Variants in VKORC1L1 observed in about 807,000 individuals in gnomAD.
VKORC1L1 encodes the protein vitamin K epoxide reductase complex subunit 1L1, also known as vitamin K epoxide reductase complex subunit 1-like protein 1.
In VKORC1L1, 2 loss-of-function variants were observed where a neutral mutation model predicts 18.9. The ratio of observed to expected loss-of-function variants is 0.11; its 90% CI spans 0.04 to 0.33. The LOEUF is 0.33. Among genes scored for constraint, VKORC1L1 ranks in the 10% least tolerant of loss-of-function variants. The probability of loss-of-function intolerance (pLI) is 1.00; values close to 1 mark genes in which losing one functional copy is unlikely to be tolerated. For synonymous variants in VKORC1L1, 96 were observed against 100.0 expected, an observed-to-expected ratio of 0.96 and a Z score of 0.24; for missense variants, 123 against 224.1, an observed-to-expected ratio of 0.55 and a Z score of 2.88.
rs1790363823 is a variant in VKORC1L1 at position 65,959,538 on chromosome 7, A to G, written c.*5238A>G. ...CATTTTTAAAAAATGGACGATGCCT[A>G]ATAAAACCACATGAAATTAACTTTA... On this transcript the variant is annotated 3_prime_UTR_variant, in exon 3 of 3. Transcript: ENST00000360768. 1 of 152,246 alleles carries G rather than the reference A, an allele frequency of 6.6e-6. No individual in the cohort carries two copies. Among genetic ancestry groups the G allele is most frequent in the South Asian group, 2.1e-4 (1 of 4,828 alleles). 9.4% of individuals were successfully genotyped at this position (152,246 alleles called of 1,614,324 possible). A position where few individuals can be genotyped will look rare whatever the true frequency, so the allele number is the denominator to read the frequency against.
chr7:65,919,991 T>C (rs1160196821), intron 1 of VKORC1L1, among the ~76,000 whole-genome samples: 1 of 152,188 alleles, frequency 6.6e-6, no homozygotes, highest in Non-Finnish European at 1.5e-5. Context: ...GACCCCATGA[T>C]CTACTGCTAC....
intron 1 of VKORC1L1, among the ~76,000 whole-genome samples, chr7:65,894,735 A>G (rs955642187): frequency 1.3e-5 from 2 of 152,144 alleles, no homozygotes; most frequent in African/African-American, 4.8e-5. Context: ...CTCAAAAAGG[A>G]AAAAGAAAGA....
intron 2 of VKORC1L1, 82 bp downstream of exon 2, chr7:65,948,862 A>C: frequency 2.0e-6 from 3 of 1,499,804 alleles, no homozygotes; most frequent in Non-Finnish European, 2.7e-6. Flanking sequence ...TCTTGATGTT[A>C]AAGCATGTGT....
At chr7:65,880,277 G>T (rs1415242388) in intron 1 of VKORC1L1, among the ~76,000 whole-genome samples, 1 of 152,126 alleles carries the variant, frequency 6.6e-6, no homozygotes, top group African/African-American at 2.4e-5. Flanking sequence ...AAAATATATA[G>T]AGTTTGTGGT....
intron 2 of VKORC1L1, among the ~76,000 whole-genome samples, chr7:65,950,263 AT>A (rs1439249467): frequency 1.2e-4 from 18 of 152,230 alleles, no homozygotes; most frequent in Admixed American, 3.3e-4. Flanking sequence ...CATTTTATGC[AT>A]TCTTTATCCT....
intron 1 of VKORC1L1, among the ~76,000 whole-genome samples, chr7:65,879,707 CTT>C (rs2116328598): frequency 6.6e-6 from 1 of 151,566 alleles, no homozygotes; most frequent in South Asian, 2.1e-4. Flanking sequence ...TCTTTTCTCT[CTT>C]TCTTTTCCTT....
intron 1 of VKORC1L1, among the ~76,000 whole-genome samples, chr7:65,890,549 G>A (rs1268541795): frequency 2.0e-5 from 3 of 152,148 alleles, no homozygotes; most frequent in African/African-American, 7.2e-5. Flanking sequence ...GATTACAGAC[G>A]TGAGCCACCA....
chr7:65,872,908 C>T (rs1417950853), upstream of VKORC1L1, among the ~76,000 whole-genome samples: 1 of 151,938 alleles, frequency 6.6e-6, no homozygotes, highest in African/African-American at 2.4e-5. Context: ...CTAGTTAGAC[C>T]GCTCCTTTAA....
chr7:65,879,272 C>T (rs1390569430), intron 1 of VKORC1L1, among the ~76,000 whole-genome samples: 2 of 151,906 alleles, frequency 1.3e-5, no homozygotes, highest in Admixed American at 6.6e-5. Flanking sequence ...TTTTGACTAA[C>T]CAAGATAAAT....
At chr7:65,884,765 T>C (rs191055116) in intron 1 of VKORC1L1, among the ~76,000 whole-genome samples, 1 of 152,346 alleles carries the variant, frequency 6.6e-6, no homozygotes, top group East Asian at 1.9e-4. Flanking sequence ...GCCAATATGA[T>C]ATATGAAAAT....
intron 1 of VKORC1L1, among the ~76,000 whole-genome samples, chr7:65,882,429 AAG>A (rs1276132135): frequency 3.3e-5 from 5 of 151,440 alleles, no homozygotes; most frequent in Admixed American, 3.3e-4. Flanking sequence ...AAAAAAAAAA[AAG>A]TGCATTTAGA....
chr7:65,869,767 T>C (rs1788703739), upstream of VKORC1L1, among the ~76,000 whole-genome samples: 1 of 151,296 alleles, frequency 6.6e-6, no homozygotes, highest in African/African-American at 2.4e-5. Flanking sequence ...CCTTCTGCCT[T>C]GGCCTCCTGA....
intron 1 of VKORC1L1, among the ~76,000 whole-genome samples, chr7:65,875,065 A>G (rs996892669): frequency 3.3e-5 from 5 of 152,186 alleles, no homozygotes; most frequent in Non-Finnish European, 7.3e-5. Context: ...CTGTGGACAT[A>G]AAATAGTTTA....
chr7:65,868,625 G>A (rs1227862868), upstream of VKORC1L1, among the ~76,000 whole-genome samples: 4 of 152,198 alleles, frequency 2.6e-5, no homozygotes, highest in Non-Finnish European at 2.9e-5. Flanking sequence ...TGTACACCAC[G>A]GAACATGACC....
At chr7:65,899,183 A>ACATGT (rs1789267163) in intron 1 of VKORC1L1, among the ~76,000 whole-genome samples, 1 of 152,224 alleles carries the variant, frequency 6.6e-6, no homozygotes, top group South Asian at 2.1e-4. Flanking sequence ...CTGGTTTATG[A>ACATGT]CATGTTTCTC....
intron 1 of VKORC1L1, among the ~76,000 whole-genome samples, chr7:65,936,958 A>C (rs1057025813): frequency 5.9e-5 from 9 of 152,206 alleles, no homozygotes; most frequent in African/African-American, 2.2e-4. Context: ...CCAGGGAAAG[A>C]GACAGGCTTT....
In VKORC1L1 at chr7:65,957,730, G is replaced by C. The variant is rs1790322159; in HGVS notation, c.*3430G>C. On this transcript the variant is annotated 3_prime_UTR_variant, in exon 3 of 3. Coordinates refer to ENST00000360768, the MANE Select transcript of VKORC1L1 (RefSeq NM_173517.6). ...ACCTGTAATGCCAGCTCCTCCAGAG[G>C]CTGAGGCAGGAGAATTGCTTGAACC... 6.6e-6 allele frequency: 1 copy of C among 152,112 alleles called. No individual in the cohort carries two copies. Among genetic ancestry groups the C allele is most frequent in the Non-Finnish European group, 1.5e-5 (1 of 68,058 alleles). The allele number at this position is 152,112 out of a possible 1,614,324, so 9.4% of individuals were successfully genotyped here.
chr7:65,926,653 C>G (rs1789770140), intron 1 of VKORC1L1, among the ~76,000 whole-genome samples: 1 of 152,186 alleles, frequency 6.6e-6, no homozygotes. Context: ...CCTGCACATG[C>G]ATGTTTATAG....
intron 1 of VKORC1L1, among the ~76,000 whole-genome samples, chr7:65,905,861 C>T (rs553525429): frequency 2.6e-5 from 4 of 152,242 alleles, no homozygotes; most frequent in African/African-American, 9.6e-5. Context: ...ACACCCAATC[C>T]TCACCGTGCT....
Sources: gnomAD v4.1 joint callset for allele counts (sites outside exome capture counted in the v4.1 genomes callset) on GRCh38, gnomAD v4.1.1 for gene constraint, MANE v1.5 for transcripts, NCBI Gene and HGNC (gene_info 2026-07-23, HGNC 2026-07-21) for gene names.